USH2A: variants seen among roughly 807,000 people sequenced by gnomAD.
The protein encoded by USH2A is Usher syndrome 2A (autosomal recessive, mild).
A neutral mutation model predicts 538.9 loss-of-function variants in USH2A; 443 were observed. That is an observed-to-expected ratio of 0.82 (90% CI 0.76 to 0.89). The LOEUF is 0.89. Ranked by LOEUF, USH2A falls within the 40% of genes least tolerant of loss-of-function variation. USH2A has a pLI of 0.00. For synonymous variants in USH2A, 2,413 were observed against 2,273.5 expected (o/e 1.06, Z -1.75); for missense variants, 6,633 against 6,324.8 (o/e 1.05, Z -1.65).
chr1:216,293,021 C>CTTTT (rs1198460233), intron 9 of USH2A, among the ~76,000 whole-genome samples: 13 of 126,294 alleles, frequency 1.0e-4, no homozygotes, highest in African/African-American at 1.8e-4. Flanking sequence ...ACACAAGCAT[C>CTTTT]TTTTTTTTTT....
intron 14 of USH2A, among the ~76,000 whole-genome samples, chr1:216,230,422 A>G (rs904621218): frequency 6.6e-6 from 1 of 152,194 alleles, no homozygotes; most frequent in Admixed American, 6.5e-5. Context: ...CAGACCATCA[A>G]GGTAACATTT....
At chr1:216,316,384 A>T (rs1272627350) in intron 9 of USH2A, among the ~76,000 whole-genome samples, 1 of 152,206 alleles carries the variant, frequency 6.6e-6, no homozygotes, top group Non-Finnish European at 1.5e-5. Context: ...TTAAAAATGT[A>T]TTCTAGCTTC....
At chr1:216,169,826 A>G (rs2034244210) in intron 21 of USH2A, among the ~76,000 whole-genome samples, 1 of 152,096 alleles carries the variant, frequency 6.6e-6, no homozygotes, top group Non-Finnish European at 1.5e-5. Flanking sequence ...AACTTCTAGG[A>G]CACATAGTAG....
chr1:215,856,834 TG>T (rs1664183210), intron 44 of USH2A, among the ~76,000 whole-genome samples: 1 of 42,244 alleles, frequency 2.4e-5, no homozygotes, highest in Admixed American at 2.7e-4. Context: ...AAAAATTTGG[TG>T]TGTGTGTGTG....
chr1:216,231,233 C>CATATATATATATATATATTAT (rs370102534), intron 14 of USH2A, among the ~76,000 whole-genome samples: 1 of 49,334 alleles, frequency 2.0e-5, no homozygotes, highest in African/African-American at 7.6e-5. Context: ...ACATATATCC[C>CATATATATATATATATATTAT]ATATATATAT....
At chr1:216,117,992 G>C (rs144839493) in intron 21 of USH2A, among the ~76,000 whole-genome samples, 1 of 151,906 alleles carries the variant, frequency 6.6e-6, no homozygotes, top group Non-Finnish European at 1.5e-5. Flanking sequence ...GTGTGGGAAG[G>C]GGAATTTGAT....
intron 11 of USH2A, among the ~76,000 whole-genome samples, chr1:216,252,766 AT>A (rs1469789205): frequency 1.3e-5 from 2 of 152,200 alleles, no homozygotes; most frequent in Non-Finnish European, 2.9e-5. Flanking sequence ...TCTTATTCAG[AT>A]CTAGTCCAAA....
chr1:216,159,579 A>G (rs921744091), intron 21 of USH2A, among the ~76,000 whole-genome samples: 1 of 140,316 alleles, frequency 7.1e-6, no homozygotes, highest in Non-Finnish European at 1.5e-5. Context: ...CACAGAGAAT[A>G]TTAGAATCTA....
At chr1:216,168,184 C>G (rs2034206962) in intron 21 of USH2A, among the ~76,000 whole-genome samples, 1 of 152,070 alleles carries the variant, frequency 6.6e-6, no homozygotes, top group Non-Finnish European at 1.5e-5. Context: ...TCTTTTTCTG[C>G]TCAAAGTTCC....
At chr1:216,037,677 C>G in intron 32 of USH2A, among the ~76,000 whole-genome samples, 1 of 152,050 alleles carries the variant, frequency 6.6e-6, no homozygotes, top group East Asian at 1.9e-4. Flanking sequence ...AAAGTTCACT[C>G]AACTTTTTTT....
intron 61 of USH2A, among the ~76,000 whole-genome samples, chr1:215,715,916 A>AAAT (rs1659469443): frequency 6.6e-6 from 1 of 152,200 alleles, no homozygotes; most frequent in Non-Finnish European, 1.5e-5. Flanking sequence ...CATATGGCTC[A>AAAT]ATTTGTGTAA....
At chr1:215,950,243 A>G (rs1666879365) in intron 37 of USH2A, among the ~76,000 whole-genome samples, 1 of 152,202 alleles carries the variant, frequency 6.6e-6, no homozygotes, top group African/African-American at 2.4e-5. Context: ...AAACCTAAAT[A>G]TCCAACAATA....
intron 11 of USH2A, among the ~76,000 whole-genome samples, chr1:216,268,039 A>T (rs1236651554): frequency 6.6e-6 from 1 of 152,112 alleles, no homozygotes; most frequent in Non-Finnish European, 1.5e-5. Flanking sequence ...TGAATAAATT[A>T]CCCTGTGAGG....
At chr1:215,917,036 T>C (rs762495990) in intron 38 of USH2A, among the ~76,000 whole-genome samples, 3 of 152,148 alleles carry the variant, frequency 2.0e-5, no homozygotes, top group Non-Finnish European at 2.9e-5. Flanking sequence ...AATAGCGATT[T>C]TGAATTTCAT....
At chr1:215,840,272 T>C (rs536840503) in intron 46 of USH2A, among the ~76,000 whole-genome samples, 1 of 151,580 alleles carries the variant, frequency 6.6e-6, no homozygotes, top group African/African-American at 2.4e-5. Context: ...GAGCCTTAAT[T>C]CTAAAGTATT....
chr1:216,021,711 T>C (rs1307295417), intron 32 of USH2A, among the ~76,000 whole-genome samples: 1 of 152,134 alleles, frequency 6.6e-6, no homozygotes, highest in Non-Finnish European at 1.5e-5. Flanking sequence ...TCCATTCTGT[T>C]TGTCTGAGAA....
Position 216,375,295 on chromosome 1 carries a change from C to T in USH2A, c.652-10210G>A, listed in dbSNP as rs145979532. On this transcript the variant is annotated intron_variant, in intron 3 of 71. Transcript: ENST00000307340. ...ATCTTCTTCCAACAGAAGACTTTTT[C>T]ATCCACATTGAAATTATGTTGTTTA... Among the ~76,000 whole-genome samples, 675 of 152,294 alleles carry T rather than the reference C, an allele frequency of 4.4e-3. 9 individuals carry two copies. Among genetic ancestry groups the T allele is most frequent in the African/African-American group, 0.015 (639 of 41,568 alleles).
chr1:215,900,846 C>A lies in USH2A; in HGVS notation c.7360G>T (p.Val2454Phe), dbSNP rs766234577. 1.2e-6 allele frequency: 2 copies of A among 1,613,734 alleles called. No individual in the cohort carries two copies. Among genetic ancestry groups the A allele is most frequent in the Middle Eastern group, 3.3e-4 (2 of 6,042 alleles). ...TTATTACGAGCTGGTGTAGACCAGA[C>A]AACCTGAAGACTGGTTGGAGTGGCA... Reference protein sequence around the residue: ...SSATPTSLQVVWSTPARNNAP... With the variant: ...SSATPTSLQVFWSTPARNNAP... Residue 2454 changes from valine to phenylalanine, a missense_variant, in exon 39 of 72, where the codon GTC (valine) becomes TTC (phenylalanine). Transcript: ENST00000307340.
intron 35 of USH2A, among the ~76,000 whole-genome samples, chr1:215,990,608 C>G (rs1276115093): frequency 6.6e-6 from 1 of 151,904 alleles, no homozygotes; most frequent in Non-Finnish European, 1.5e-5. Flanking sequence ...AAACAGTTCA[C>G]ATAGTCAAGA....
Sources: allele counts gnomAD v4.1 joint callset (sites outside exome capture counted in the v4.1 genomes callset), GRCh38; gene constraint gnomAD v4.1.1; transcripts MANE v1.5; gene names NCBI Gene and HGNC (gene_info 2026-07-23, HGNC 2026-07-21).